UGT2B4: variants seen among roughly 807,000 people sequenced by gnomAD.
UGT2B4 encodes the protein UDP-glucuronosyltransferase 2B4.
UGT2B4 carries 49 observed loss-of-function variants against 49.8 expected under a neutral mutation model. The ratio of observed to expected loss-of-function variants is 0.98; its 90% CI spans 0.78 to 1.25. UGT2B4 has a LOEUF of 1.25. Among genes scored for constraint, UGT2B4 ranks in the 50% most tolerant of loss-of-function variants. The pLI is 0.00. For synonymous variants in UGT2B4, 246 were observed against 217.7 expected, an observed-to-expected ratio of 1.13 and a Z score of -1.14; for missense variants, 729 against 627.7, an observed-to-expected ratio of 1.16 and a Z score of -1.73.
Position 69,502,872 on chromosome 4 carries a change from ACACATCTCACTGCTAGT to A in UGT2B4, c.-105-6923_-105-6907del, listed in dbSNP as rs534473460. On this transcript the variant is annotated intron_variant, in intron 1 of 1. Coordinates refer to the UGT2B4 transcript ENST00000510114. ...GGCCTGACCATCCCCCATGGATCCC[ACACATCTCACTGCTAGT>A]CACAAAACAGGGAACCCCTGGCTTG... is the stretch of plus-strand genomic sequence containing the variant. 3.5e-4 allele frequency among the ~76,000 whole-genome samples: 53 copies of A among 152,242 alleles called. 1 individual carries two copies. In the East Asian group the frequency reaches 9.1e-3, roughly 26 times the overall value.
intron 1 of UGT2B4, among the ~76,000 whole-genome samples, chr4:69,524,459 T>C (rs186186433): frequency 3.1e-4 from 47 of 152,200 alleles, no homozygotes; most frequent in Non-Finnish European, 4.9e-4. Context: ...ACAAATAATA[T>C]GTAATAAGTT....
chr4:69,498,109 T>C (rs945777221), upstream of UGT2B4, among the ~76,000 whole-genome samples: 2 of 152,256 alleles, frequency 1.3e-5, no homozygotes, highest in African/African-American at 4.8e-5. Flanking sequence ...AACTTAATAC[T>C]ACCACAGAAT....
rs555491652 is a variant in UGT2B4, at chr4:69,490,848, A to C, written c.871-1278T>G. On this transcript the variant is annotated intron_variant, in intron 2 of 5. Coordinates refer to ENST00000305107, the MANE Select transcript of UGT2B4 (RefSeq NM_021139.3). The stretch of plus-strand genomic sequence containing the variant: ...GCCACATTTGATGTAACTTACGTTC[A>C]GTGTTTTGTTTCAGTGGCTTGATGT... 3.3e-5 allele frequency among the ~76,000 whole-genome samples: 5 copies of C among 152,242 alleles called. No individual in the cohort carries two copies. In the South Asian group the frequency reaches 1.0e-3, roughly 32 times the overall value.
chr4:69,483,370 T>C (rs999782567), intron 5 of UGT2B4, among the ~76,000 whole-genome samples: 6 of 152,142 alleles, frequency 3.9e-5, no homozygotes, highest in African/African-American at 1.2e-4. Flanking sequence ...AATACATATG[T>C]ATGAGTTATA....
chr4:69,491,286 T>C (rs1159558292), intron 2 of UGT2B4, among the ~76,000 whole-genome samples: 1 of 152,112 alleles, frequency 6.6e-6, no homozygotes, highest in Admixed American at 6.6e-5. Flanking sequence ...AAAATTATTG[T>C]AATGCTATAG....
chr4:69,484,651 T>C (rs1423692376), intron 5 of UGT2B4, among the ~76,000 whole-genome samples: 2 of 152,182 alleles, frequency 1.3e-5, no homozygotes, highest in Non-Finnish European at 2.9e-5. Flanking sequence ...GTGACTTCTA[T>C]ACCATTATGG....
intron 3 of UGT2B4, 73 bp from the exon 4 acceptor site, chr4:69,486,769 G>T: frequency 8.7e-7 from 1 of 1,148,606 alleles, no homozygotes; most frequent in Non-Finnish European, 1.3e-6. Context: ...AATCTAAAGA[G>T]ATTAACAATG....
chr4:69,495,361 G>C lies in UGT2B4; in HGVS notation c.501C>G (p.Pro167=), dbSNP rs748647635. The C allele has an allele frequency of 6.2e-7, 1 of 1,613,818 alleles. No homozygotes were observed. Among genetic ancestry groups the C allele is most frequent in the Non-Finnish European group, 8.5e-7 (1 of 1,179,948 alleles). The change falls in exon 1 of 6, where the codon CCC becomes CCG. Residue 167 remains proline, a synonymous_variant. Transcript: ENST00000305107. The part of the protein sequence containing the change: ...GELLAELLKI[P]FVYSLRFSPG... ...GAGAGAAGCGGAGGCTGTAGACAAAGGGTATTTTAAGTAACTCGGCCAGCA... is the reference window on the plus strand; with the variant it reads ...GAGAGAAGCGGAGGCTGTAGACAAACGGTATTTTAAGTAACTCGGCCAGCA...
At chr4:69,509,647 G>T (rs1161306970) in intron 1 of UGT2B4, among the ~76,000 whole-genome samples, 1 of 152,106 alleles carries the variant, frequency 6.6e-6, no homozygotes, top group Non-Finnish European at 1.5e-5. Flanking sequence ...CTTCCTTGGA[G>T]AAATGTTTTT....
chr4:69,503,821 T>G (rs1728403018), intron 1 of UGT2B4, among the ~76,000 whole-genome samples: 1 of 152,170 alleles, frequency 6.6e-6, no homozygotes, highest in Non-Finnish European at 1.5e-5. Context: ...GGCAGACACC[T>G]CTGCATTCAC....
Position 69,480,897 on chromosome 4 carries a change from C to T in UGT2B4, c.1324G>A (p.Ala442Thr), listed in dbSNP as rs769787957. Reference protein sequence around the residue: ...VINDPLYKENAMKLSRIHHDQ... With the variant: ...VINDPLYKENTMKLSRIHHDQ... ...TGATGAATTCTTGATAATTTCATAG[C>T]ATTCTCTTTATATCTAAACGATAAG... The change falls in exon 6 of 6, where the codon GCT becomes ACT. Residue 442 changes from alanine to threonine, a missense_variant. Transcript: ENST00000305107. 1 of 1,613,640 alleles carries T rather than the reference C, an allele frequency of 6.2e-7. No individual in the cohort carries two copies. The highest frequency in any genetic ancestry group is 8.5e-7 in the Non-Finnish European group (1 of 1,179,782).
intron 1 of UGT2B4, among the ~76,000 whole-genome samples, chr4:69,508,341 C>T (rs551576892): frequency 4.6e-5 from 7 of 152,160 alleles, no homozygotes; most frequent in African/African-American, 1.4e-4. Flanking sequence ...CCCAGCAATC[C>T]CATTACTAAG....
At chr4:69,512,901 G>C (rs940389820) in intron 1 of UGT2B4, among the ~76,000 whole-genome samples, 1 of 151,808 alleles carries the variant, frequency 6.6e-6, no homozygotes, top group South Asian at 2.1e-4. Flanking sequence ...GTGTATGTTC[G>C]TGTTCTTTGC....
rs145087833 is a variant in UGT2B4, at chr4:69,515,128, A to G, written c.-106+10559T>C. Among the ~76,000 whole-genome samples, 8 of 152,306 alleles carry G rather than the reference A, an allele frequency of 5.3e-5. No individual in the cohort carries two copies. The East Asian group carries it at 1.5e-3, about 29-fold the overall frequency. On this transcript the variant is annotated intron_variant, in intron 1 of 1. Transcript: ENST00000510114. ...AGAAGATCATTGAGACAGAAAATTA[A>G]CAAAGGTATTAAGGGCCTTAACTTA...
intron 1 of UGT2B4, among the ~76,000 whole-genome samples, chr4:69,508,715 C>T (rs1049508153): frequency 1.3e-5 from 2 of 152,048 alleles, no homozygotes; most frequent in Non-Finnish European, 1.5e-5. Context: ...GGCTGAAGAG[C>T]GGGAGGAGGG....
intron 1 of UGT2B4, among the ~76,000 whole-genome samples, chr4:69,502,891 A>G (rs927471157): frequency 2.0e-5 from 3 of 152,112 alleles, no homozygotes; most frequent in African/African-American, 7.2e-5. Context: ...ACTGCTAGTC[A>G]CAAAACAGGG....
At chr4:69,524,374 C>T (rs927324549) in intron 1 of UGT2B4, among the ~76,000 whole-genome samples, 1 of 130,938 alleles carries the variant, frequency 7.6e-6, no homozygotes, top group Non-Finnish European at 1.7e-5. Flanking sequence ...TTAATTTTAA[C>T]GTTGTCGTTT....
At chr4:69,519,747 C>G (rs767809186) in intron 1 of UGT2B4, among the ~76,000 whole-genome samples, 1 of 152,202 alleles carries the variant, frequency 6.6e-6, no homozygotes, top group African/African-American at 2.4e-5. Context: ...GAGAGTTAAT[C>G]TTCACAGGTA....
At chr4:69,490,785 G>A (rs1010541638) in intron 2 of UGT2B4, among the ~76,000 whole-genome samples, 4 of 152,062 alleles carry the variant, frequency 2.6e-5, no homozygotes, top group Non-Finnish European at 4.4e-5. Context: ...GTAATACATA[G>A]GATATCCAGG....
Sources: allele counts gnomAD v4.1 joint callset (sites outside exome capture counted in the v4.1 genomes callset), GRCh38; gene constraint gnomAD v4.1.1; transcripts MANE v1.5; gene names NCBI Gene and HGNC (gene_info 2026-07-23, HGNC 2026-07-21).